The following CENPP variants were observed in gnomAD, a reference collection of about 807,000 sequenced individuals.
CENPP encodes the protein centromere protein P.
Under a neutral mutation model 35.6 loss-of-function variants are expected in CENPP, and 24 were observed. The observed-to-expected ratio is 0.67, with a 90% CI of 0.49 to 0.95. CENPP has a LOEUF of 0.95. Among genes scored for constraint, CENPP ranks in the 40% least tolerant of loss-of-function variants. The pLI, the probability that CENPP is intolerant of heterozygous loss-of-function variation, is 0.00. For missense variants in CENPP, 332 were observed against 345.3 expected (o/e 0.96, Z 0.31); for synonymous variants, 120 against 125.5 (o/e 0.96, Z 0.29).
At chr9:92,567,083 C>T (rs1849984745) in intron 5 of CENPP, among the ~76,000 whole-genome samples, 1 of 152,098 alleles carries the variant, frequency 6.6e-6, no homozygotes, top group African/African-American at 2.4e-5. Flanking sequence ...GAAATTAAGA[C>T]ATTCTCAGAT....
intron 5 of CENPP, chr9:92,522,487 C>G: frequency 9.7e-5 from 112 of 1,149,554 alleles, no homozygotes; most frequent in South Asian, 1.5e-4. Context: ...TGGAGATGTT[C>G]TCCCTCTCTC....
intron 5 of CENPP, among the ~76,000 whole-genome samples, chr9:92,442,266 C>T (rs1024843250): frequency 9.9e-5 from 15 of 151,418 alleles, no homozygotes; most frequent in African/African-American, 3.2e-4. Flanking sequence ...AGCGTGGTGG[C>T]GCATGCCTGT....
rs1847804178 is a variant in CENPP, at chr9:92,517,561, T to G, written c.565-93753T>G. 3.2e-6 allele frequency: 4 copies of G among 1,258,112 alleles called. No individual in the cohort carries two copies. In the Admixed American group the frequency reaches 8.2e-5, roughly 26 times the overall value. 77.9% of individuals were successfully genotyped at this position (1,258,112 alleles called of 1,614,324 possible). ...ATATTTTCTATGTTAATCAGCATTT[T>G]GCCAATATTTTAAGTACTCAGATCT... is the stretch of plus-strand genomic sequence containing the variant. On this transcript the variant is annotated intron_variant, in intron 5 of 7. Transcript: ENST00000375587.
At chr9:92,415,098 T>C in intron 5 of CENPP, 2 of 1,284,798 alleles carry the variant, frequency 1.6e-6, no homozygotes, top group Non-Finnish European at 2.2e-6. Context: ...TTAGATTTAC[T>C]ATATTAAGTA....
At position 92,352,312 on chromosome 9, in the gene CENPP, G is replaced by C. The variant is rs1322126514; in HGVS notation, c.467+6525G>C. On this transcript the variant is annotated intron_variant, in intron 4 of 7. Coordinates refer to ENST00000375587, the MANE Select transcript of CENPP (RefSeq NM_001012267.3). ...TTGAACCGGGGAGGCGGAGGTTGCA[G>C]TGAACCAAGATTGTGCCACTGCACT... Among the ~76,000 whole-genome samples the C allele has an allele frequency of 2.7e-5, 4 of 150,404 alleles. No homozygotes were observed. The East Asian group carries it at 7.8e-4, about 30-fold the overall frequency.
At chr9:92,359,672 G>A (rs935474067) in intron 4 of CENPP, among the ~76,000 whole-genome samples, 3 of 152,166 alleles carry the variant, frequency 2.0e-5, no homozygotes, top group Admixed American at 2.0e-4. Context: ...AGGAAGCAGG[G>A]TTTTCAAAAG....
At chr9:92,354,076 G>A (rs561729609) in intron 4 of CENPP, among the ~76,000 whole-genome samples, 1 of 152,318 alleles carries the variant, frequency 6.6e-6, no homozygotes, top group South Asian at 2.1e-4. Context: ...TTCTTTAGCC[G>A]TAAAGTGAGT....
intron 5 of CENPP, among the ~76,000 whole-genome samples, chr9:92,465,931 C>A (rs983259658): frequency 6.6e-6 from 1 of 151,500 alleles, no homozygotes; most frequent in African/African-American, 2.4e-5. Context: ...CTCCTGGGTT[C>A]AAGCAATTCT....
intron 5 of CENPP, among the ~76,000 whole-genome samples, chr9:92,479,748 T>G (rs977993932): frequency 1.3e-5 from 2 of 152,004 alleles, no homozygotes; most frequent in Admixed American, 1.3e-4. Context: ...GTATCCTGGT[T>G]GCTTGCAAAG....
At chr9:92,519,245 T>C (rs914841586) in intron 5 of CENPP, among the ~76,000 whole-genome samples, 1 of 152,224 alleles carries the variant, frequency 6.6e-6, no homozygotes, top group African/African-American at 2.4e-5. Flanking sequence ...TATGAGTTTC[T>C]TCCAGGTTAT....
At chr9:92,325,581 T>A, upstream of CENPP, 1 of 176,018 alleles carries the variant, frequency 5.7e-6, no homozygotes, top group South Asian at 9.7e-5. Context: ...ATTCCTGGAC[T>A]AGGTCGGCGT....
At chr9:92,401,868 A>G (rs1312271393) in intron 5 of CENPP, among the ~76,000 whole-genome samples, 1 of 152,062 alleles carries the variant, frequency 6.6e-6, no homozygotes. Context: ...GTGGTGTCCT[A>G]TTCTTTCTGT....
intron 5 of CENPP, among the ~76,000 whole-genome samples, chr9:92,509,149 C>T (rs142525752): frequency 2.0e-5 from 3 of 151,788 alleles, no homozygotes; most frequent in Non-Finnish European, 4.4e-5. Flanking sequence ...ACATGGGGCA[C>T]GCTCACTAAA....
intron 2 of CENPP, among the ~76,000 whole-genome samples, chr9:92,332,738 G>GT (rs1355496098): frequency 6.6e-6 from 1 of 152,002 alleles, no homozygotes; most frequent in Non-Finnish European, 1.5e-5. Flanking sequence ...AACCCGGGAG[G>GT]TGGAAGTTGC....
In CENPP at chr9:92,615,024, G is replaced by A. The variant is rs1007466734; in HGVS notation, c.*1875G>A. 3 of 152,268 alleles carry A rather than the reference G, an allele frequency of 2.0e-5. No individual in the cohort carries two copies. Among genetic ancestry groups the A allele is most frequent in the African/African-American group, 7.2e-5 (3 of 41,454 alleles). 9.4% of individuals were successfully genotyped at this position (152,268 alleles called of 1,614,324 possible). On this transcript the variant is annotated 3_prime_UTR_variant, in exon 8 of 8. Transcript: ENST00000375587. ...AGTGTCAGGAAAGCACTGAGCTGTT[G>A]GGGCACACTGCCCAGCCCGGCCACA...
In CENPP at chr9:92,329,478, G is replaced by A. The variant is rs563229293; in HGVS notation, c.108-2692G>A. Among the ~76,000 whole-genome samples the A allele has an allele frequency of 5.3e-5, 8 of 152,186 alleles. No homozygotes were observed. In the East Asian group the frequency reaches 1.5e-3, roughly 29 times the overall value. Reference sequence around the variant, plus strand: ...TGGGATTACGTGAGCCACCGTGCCCGGCCGCACATCATTTATATATGAAGA... The same window carrying A: ...TGGGATTACGTGAGCCACCGTGCCCAGCCGCACATCATTTATATATGAAGA... On this transcript the variant is annotated intron_variant, in intron 1 of 7. Coordinates refer to ENST00000375587, the MANE Select transcript of CENPP (RefSeq NM_001012267.3).
chr9:92,542,190 G>A (rs1004354459), intron 5 of CENPP, among the ~76,000 whole-genome samples: 1 of 152,150 alleles, frequency 6.6e-6, no homozygotes, highest in Non-Finnish European at 1.5e-5. Context: ...TTCTATAATG[G>A]CTCCTTTCTT....
rs942079937 is a variant in CENPP at position 92,612,433 on chromosome 9, G to A, written c.645-90G>A. On this transcript the variant is annotated intron_variant, in intron 6 of 7. Coordinates refer to ENST00000375587, the MANE Select transcript of CENPP (RefSeq NM_001012267.3). ...GTTTCTAGCAGGGGAGCCCAGCATG[G>A]GGAAATGGAGACCAGGTGCGACTCA... is the stretch of plus-strand genomic sequence containing the variant. 2.8e-5 allele frequency: 28 copies of A among 993,640 alleles called. No individual in the cohort carries two copies. In the Admixed American group the frequency reaches 4.4e-4, roughly 16 times the overall value. 61.6% of individuals were successfully genotyped at this position (993,640 alleles called of 1,614,324 possible). A position where few individuals can be genotyped will look rare whatever the true frequency, so the allele number is the denominator to read the frequency against.
chr9:92,362,476 C>G (rs944197776), intron 4 of CENPP, among the ~76,000 whole-genome samples: 11 of 152,182 alleles, frequency 7.2e-5, no homozygotes, highest in Non-Finnish European at 1.3e-4. Flanking sequence ...TCAGTTGATG[C>G]TATGCCTTCT....
Sources: gnomAD v4.1 joint callset for allele counts (sites outside exome capture counted in the v4.1 genomes callset) on GRCh38, gnomAD v4.1.1 for gene constraint, MANE v1.5 for transcripts, NCBI Gene and HGNC (gene_info 2026-07-23, HGNC 2026-07-21) for gene names.